The following DOCK5 variants were observed in gnomAD, a reference collection of about 807,000 sequenced individuals.
The protein encoded by DOCK5 is dedicator of cytokinesis protein 5.
Under a neutral mutation model 251.8 loss-of-function variants are expected in DOCK5, and 142 were observed. The ratio of observed to expected loss-of-function variants is 0.56; its 90% confidence interval spans 0.49 to 0.65. The LOEUF is 0.65. Ranked by LOEUF, DOCK5 falls within the 30% of genes least tolerant of loss-of-function variation. The pLI, the probability that DOCK5 is intolerant of heterozygous loss-of-function variation, is 0.00. For missense variants in DOCK5, 2,111 were observed against 2,312.3 expected (o/e 0.91, Z 1.79); for synonymous variants, 842 against 835.5 (o/e 1.01, Z -0.13).
chr8:25,383,527 A>G (rs1417093703), intron 40 of DOCK5, among the ~76,000 whole-genome samples: 1 of 152,202 alleles, frequency 6.6e-6, no homozygotes, highest in African/African-American at 2.4e-5. Context: ...ACCTAAACTC[A>G]TGAGGGGAGA....
chr8:25,215,056 G>T (rs1281946200), intron 1 of DOCK5, among the ~76,000 whole-genome samples: 1 of 152,174 alleles, frequency 6.6e-6, no homozygotes, highest in Non-Finnish European at 1.5e-5. Flanking sequence ...TGTGACTAGG[G>T]GCTGTGGGAA....
At position 25,270,607 on chromosome 8, in the gene DOCK5, C is replaced by T. The variant is rs1309107769; in HGVS notation, c.168+1722C>T. On this transcript the variant is annotated intron_variant, in intron 3 of 51. Transcript: ENST00000276440. ...TTCTCAAACAAAATTATGTGATGAACTTAAGGAACAAACGAAACTCTTGGA... is the reference window on the plus strand; with the variant it reads ...TTCTCAAACAAAATTATGTGATGAATTTAAGGAACAAACGAAACTCTTGGA... Among the ~76,000 whole-genome samples the T allele has an allele frequency of 2.0e-5, 3 of 152,198 alleles. No individual in the cohort carries two copies. The South Asian group carries it at 6.2e-4, about 32-fold the overall frequency.
chr8:25,258,450 C>A (rs1803478743), intron 2 of DOCK5, among the ~76,000 whole-genome samples: 1 of 151,422 alleles, frequency 6.6e-6, no homozygotes, highest in East Asian at 1.9e-4. Context: ...AAAATGGAGT[C>A]CCCCAGAGCT....
In DOCK5 at chr8:25,184,790, A is replaced by C; in HGVS notation, c.-119A>C. 1.0e-6 allele frequency: 1 copy of C among 979,162 alleles called. No homozygotes were observed. 60.7% of individuals were successfully genotyped at this position (979,162 alleles called of 1,614,324 possible). A position where few individuals can be genotyped will look rare whatever the true frequency, so the allele number is the denominator to read the frequency against. On this transcript the variant is annotated 5_prime_UTR_variant, in exon 1 of 52. Coordinates refer to ENST00000276440, the MANE Select transcript of DOCK5 (RefSeq NM_024940.8). ...AGGAGGCGGCCCGCGGAGTCCAGCG[A>C]AGTTTGGCGGAACATGGCGGAAGCG...
Position 25,310,514 on chromosome 8 carries a change from C to T in DOCK5, c.1300C>T (p.Pro434Ser), listed in dbSNP as rs550040411. The stretch of plus-strand genomic sequence containing the variant: ...AGCAATAGCCCGGAAGATGGGCTTT[C>T]CTGAAATCATACTGCCAGGTAAGCA... ...STAIARKMGFPEIILPGDVRN... is the reference protein window; with the variant it reads ...STAIARKMGFSEIILPGDVRN... Residue 434 changes from proline to serine, a missense_variant, in exon 13 of 52, where the codon CCT (proline) becomes TCT (serine). Pro to Ser is a moderately conservative substitution (Grantham distance 74). This residue lies in a region of DOCK5 where 1,717 missense variants were observed against 1,892.4 expected (regional missense o/e 0.91). Transcript: ENST00000276440. 4 of 1,611,612 alleles carry T rather than the reference C, an allele frequency of 2.5e-6. No homozygotes were observed. The Admixed American group carries it at 5.1e-5, about 20-fold the overall frequency.
chr8:25,304,109 C>A (rs1039721668), intron 10 of DOCK5, 146 bp from the exon 11 acceptor site: 1 of 629,130 alleles, frequency 1.6e-6, no homozygotes, highest in South Asian at 2.7e-5. Flanking sequence ...CTGGGAATCA[C>A]CATTGGCAAA....
intron 38 of DOCK5, among the ~76,000 whole-genome samples, chr8:25,378,248 T>G (rs954473083): frequency 6.6e-6 from 1 of 152,172 alleles, no homozygotes; most frequent in Non-Finnish European, 1.5e-5. Context: ...AGCATAGATT[T>G]GGGTATGATC....
At chr8:25,187,237 A>G (rs1053274978) in intron 1 of DOCK5, among the ~76,000 whole-genome samples, 1 of 145,458 alleles carries the variant, frequency 6.9e-6, no homozygotes, top group East Asian at 2.0e-4. Flanking sequence ...ATACGTATAT[A>G]TATATATACA....
intron 29 of DOCK5, among the ~76,000 whole-genome samples, 184 bp from the exon 30 acceptor site, chr8:25,364,442 G>A (rs1203756240): frequency 1.3e-5 from 2 of 152,084 alleles, no homozygotes; most frequent in Non-Finnish European, 2.9e-5. Context: ...TGTTTGTTCT[G>A]TAAACTGACC....
chr8:25,236,779 A>G (rs1208339840), intron 1 of DOCK5, among the ~76,000 whole-genome samples: 2 of 150,188 alleles, frequency 1.3e-5, no homozygotes, highest in African/African-American at 4.9e-5. Context: ...TTGTATTTTT[A>G]GTAGAGATGG....
intron 46 of DOCK5, 61 bp downstream of exon 46, chr8:25,400,055 TC>T: frequency 7.2e-7 from 1 of 1,389,080 alleles, no homozygotes; most frequent in Non-Finnish European, 1.0e-6. Context: ...CCCATTATTC[TC>T]CAGGGCTTAA....
chr8:25,239,122 C>A (rs1563320134), intron 1 of DOCK5, among the ~76,000 whole-genome samples: 1 of 152,092 alleles, frequency 6.6e-6, no homozygotes, highest in African/African-American at 2.4e-5. Context: ...GGCCCTTGTT[C>A]TAGGCAGAAA....
At chr8:25,302,539 A>G in intron 10 of DOCK5, 85 bp downstream of exon 10, 1 of 1,413,506 alleles carries the variant, frequency 7.1e-7, no homozygotes, top group South Asian at 1.6e-5. Flanking sequence ...TTAAACATGG[A>G]ACTAGCAAAT....
chr8:25,315,091 C>A (rs1805206047), intron 13 of DOCK5, among the ~76,000 whole-genome samples: 1 of 57,146 alleles, frequency 1.7e-5, no homozygotes, highest in Non-Finnish European at 4.8e-5. Flanking sequence ...TCCTCCCTCG[C>A]TGAAAACATC....
In DOCK5 at chr8:25,380,342, C is replaced by T. The variant is rs1449464520; in HGVS notation, c.3974C>T (p.Ala1325Val). 6.2e-7 allele frequency: 1 copy of T among 1,612,128 alleles called. No homozygotes were observed. Among genetic ancestry groups the T allele is most frequent in the South Asian group, 1.1e-5 (1 of 90,538 alleles). ...EKAIKLSKELAETYESKVFDY... is the reference protein window; with the variant it reads ...EKAIKLSKELVETYESKVFDY... The stretch of plus-strand genomic sequence containing the variant: ...GCCATCAAGCTGAGCAAAGAGTTGG[C>T]TGAGACTTACGAAAGCAAAGTATTT... Residue 1325 changes from alanine to valine, a missense_variant, in exon 39 of 52, where the codon GCT (alanine) becomes GTT (valine). By Grantham distance (64) the Ala-to-Val change is moderately conservative. Coordinates refer to ENST00000276440, the MANE Select transcript of DOCK5 (RefSeq NM_024940.8).
At chr8:25,263,992 A>AT (rs1159399657) in intron 2 of DOCK5, among the ~76,000 whole-genome samples, 1 of 151,752 alleles carries the variant, frequency 6.6e-6, no homozygotes, top group Non-Finnish European at 1.5e-5. Context: ...CAAAATACAA[A>AT]TACCTTTGAG....
chr8:25,375,759 A>C, intron 37 of DOCK5: 2 of 985,374 alleles, frequency 2.0e-6, no homozygotes, highest in Non-Finnish European at 2.4e-6. Flanking sequence ...CCACTTCCCA[A>C]AGGAAATTCA....
intron 1 of DOCK5, among the ~76,000 whole-genome samples, chr8:25,234,710 T>C (rs770218326): frequency 1.5e-4 from 23 of 152,200 alleles, no homozygotes; most frequent in Non-Finnish European, 2.9e-4. Context: ...GCAGAAATGC[T>C]TGGAAGGGGC....
At chr8:25,208,607 C>T (rs1209699862) in intron 1 of DOCK5, among the ~76,000 whole-genome samples, 2 of 152,130 alleles carry the variant, frequency 1.3e-5, no homozygotes, top group Non-Finnish European at 2.9e-5. Flanking sequence ...AAAATATTTT[C>T]AAATTAAGGT....
Sources: gnomAD v4.1 joint callset for allele counts (sites outside exome capture counted in the v4.1 genomes callset) on GRCh38, gnomAD v4.1.1 for gene constraint, gnomAD v4.1.1 regional missense constraint, MANE v1.5 for transcripts, NCBI Gene and HGNC (gene_info 2026-07-23, HGNC 2026-07-21) for gene names.